The following PTBP3 variants were observed in gnomAD, a reference collection of about 807,000 sequenced individuals.
The protein encoded by PTBP3 is polypyrimidine tract binding protein 3.
A neutral mutation model predicts 58.7 loss-of-function variants in PTBP3; 20 were observed. The observed-to-expected ratio is 0.34, with a 90% CI of 0.24 to 0.50. The LOEUF (loss-of-function observed/expected upper bound fraction) is 0.50. PTBP3 is among the 20% of genes least tolerant of loss of function. PTBP3 has a pLI of 0.98. For synonymous variants in PTBP3, 185 were observed against 219.8 expected (o/e 0.84, Z 1.40); for missense variants, 509 against 637.2 (o/e 0.80, Z 2.17).
chr9:112,231,748 A>T (rs547299056), intron 9 of PTBP3, among the ~76,000 whole-genome samples: 54 of 39,612 alleles, frequency 1.4e-3, no homozygotes, highest in African/African-American at 7.7e-3. Context: ...CAAAAGAATT[A>T]AAAAAAAAAA....
In PTBP3 at chr9:112,227,612, C is replaced by T. The variant is rs139225824; in HGVS notation, c.1163G>A (p.Ser388Asn). 7 of 1,613,814 alleles carry T rather than the reference C, an allele frequency of 4.3e-6. No individual in the cohort carries two copies. Among genetic ancestry groups the T allele is most frequent in the Admixed American group, 1.7e-5 (1 of 60,004 alleles). ...NQAQLAMNHLSGQRLYGKVLR... is the reference protein window; with the variant it reads ...NQAQLAMNHLNGQRLYGKVLR... The stretch of plus-strand genomic sequence containing the variant: ...CACTTTCCCATAAAGTCTCTGACCA[C>T]TTAGATGGTTCATTGCTAGTGCATG... The change falls in exon 12 of 14, where the codon AGT (serine) becomes AAT (asparagine). Residue 388 changes from serine to asparagine, a missense_variant. Coordinates refer to ENST00000374257, the MANE Select transcript of PTBP3 (RefSeq NM_001163788.4).
At chr9:112,325,542 G>A (rs769169062) in intron 1 of PTBP3, among the ~76,000 whole-genome samples, 15 of 148,134 alleles carry the variant, frequency 1.0e-4, no homozygotes, top group Non-Finnish European at 2.1e-4. Flanking sequence ...GGATTTAGTT[G>A]AACTAAGAAG....
At chr9:112,303,489 C>A (rs1829038260) in intron 1 of PTBP3, among the ~76,000 whole-genome samples, 1 of 152,152 alleles carries the variant, frequency 6.6e-6, no homozygotes, top group Non-Finnish European at 1.5e-5. Context: ...TATATTCTTC[C>A]AGAGCCTATA....
At chr9:112,349,165 G>A in the PTBP3 span, among the ~76,000 whole-genome samples, 1 of 152,088 alleles carries the variant, frequency 6.6e-6, no homozygotes, top group African/African-American at 2.4e-5. Context: ...AGTAGGAAAG[G>A]AGGGGGCTGG....
Position 112,232,205 on chromosome 9 carries a change from C to G in PTBP3, c.914G>C (p.Gly305Ala). Reference protein sequence around the residue: ...LSVPAVPGALGPLTITSSAVT... With the variant: ...LSVPAVPGALAPLTITSSAVT... ...AGCAGAAGAGGTGATTGTGAGAGGA[C>G]CAAGAGCTCCAGGAACAGCTGGAAC... Residue 305 changes from glycine (G) to alanine (A), a missense_variant, in exon 9 of 14, where the codon GGT becomes GCT. By Grantham distance (60) the Gly-to-Ala change is moderately conservative (BLOSUM62 0). Transcript: ENST00000374257. The G allele has an allele frequency of 6.2e-7, 1 of 1,610,928 alleles. No homozygotes were observed. The highest frequency in any genetic ancestry group is 8.5e-7 in the Non-Finnish European group (1 of 1,177,470).
At chr9:112,267,995 G>A in intron 4 of PTBP3, 54 bp downstream of exon 4, 1 of 1,504,074 alleles carries the variant, frequency 6.6e-7, no homozygotes, top group Non-Finnish European at 9.0e-7. Flanking sequence ...AAGTATGTAA[G>A]TTATCATACC....
At chr9:112,258,350 T>C (rs1836458837) in intron 5 of PTBP3, among the ~76,000 whole-genome samples, 1 of 152,226 alleles carries the variant, frequency 6.6e-6, no homozygotes, top group African/African-American at 2.4e-5. Flanking sequence ...TACTCTGAGA[T>C]GATGTCATCC....
At chr9:112,258,956 T>C (rs1288147572) in intron 5 of PTBP3, among the ~76,000 whole-genome samples, 1 of 152,150 alleles carries the variant, frequency 6.6e-6, no homozygotes, top group Non-Finnish European at 1.5e-5. Context: ...CAGCTTATTT[T>C]TTTGGAGGAT....
chr9:112,302,373 T>C (rs888836388), intron 1 of PTBP3, among the ~76,000 whole-genome samples: 1 of 151,912 alleles, frequency 6.6e-6, no homozygotes. Context: ...GCAAACACCT[T>C]TCTACCATCC....
chr9:112,308,380 A>C (rs949595792), intron 1 of PTBP3, among the ~76,000 whole-genome samples: 1 of 128,272 alleles, frequency 7.8e-6, no homozygotes, highest in Non-Finnish European at 1.7e-5. Flanking sequence ...AAAAAAAAAA[A>C]ACTTTTCTTT....
In PTBP3 at chr9:112,234,721, T is replaced by C. The variant is rs147351176; in HGVS notation, c.880+99A>G. The C allele has an allele frequency of 6.0e-6, 7 of 1,159,690 alleles. No individual in the cohort carries two copies. The African/African-American group carries it at 6.1e-5, about 10-fold the overall frequency. 71.8% of individuals were successfully genotyped at this position (1,159,690 alleles called of 1,614,324 possible). A position where few individuals can be genotyped will look rare whatever the true frequency, so the allele number is the denominator to read the frequency against. ...AGCTGATATGCATAATGCTTTATGG[T>C]AAATTCTTCAAATATGATAACATTC... On this transcript the variant is annotated intron_variant, in intron 8 of 13. Coordinates refer to ENST00000374257, the MANE Select transcript of PTBP3 (RefSeq NM_001163788.4).
chr9:112,370,779 T>C, the PTBP3 span, among the ~76,000 whole-genome samples: 4 of 152,228 alleles, frequency 2.6e-5, no homozygotes, highest in Admixed American at 1.3e-4. Flanking sequence ...TGCCTTGCCA[T>C]TTATTTAGGT....
At chr9:112,243,562 G>C (rs2132037971) in intron 7 of PTBP3, among the ~76,000 whole-genome samples, 1 of 152,124 alleles carries the variant, frequency 6.6e-6, no homozygotes, top group Admixed American at 6.6e-5. Flanking sequence ...AAAAGCCCCA[G>C]GGATTAGAAG....
chr9:112,251,864 A>T (rs1474799777), intron 6 of PTBP3, among the ~76,000 whole-genome samples: 1 of 152,192 alleles, frequency 6.6e-6, no homozygotes, highest in Admixed American at 6.5e-5. Flanking sequence ...AAAGGTACAA[A>T]ATAATATATG....
intron 4 of PTBP3, among the ~76,000 whole-genome samples, chr9:112,264,095 A>C (rs1354781858): frequency 6.6e-6 from 1 of 152,190 alleles, no homozygotes; most frequent in Non-Finnish European, 1.5e-5. Flanking sequence ...TAAATTAATA[A>C]AGGAAATAAT....
At chr9:112,327,651 G>T (rs1830211841) in intron 1 of PTBP3, among the ~76,000 whole-genome samples, 1 of 152,128 alleles carries the variant, frequency 6.6e-6, no homozygotes, top group African/African-American at 2.4e-5. Context: ...TCAAAAAATT[G>T]TAACACCACA....
chr9:112,349,803 G>A, the PTBP3 span, among the ~76,000 whole-genome samples: 1 of 131,154 alleles, frequency 7.6e-6, no homozygotes, highest in Non-Finnish European at 1.5e-5. Context: ...GATGAAGGTT[G>A]CGGTGAACCG....
At chr9:112,310,475 G>A (rs1829428807) in intron 1 of PTBP3, among the ~76,000 whole-genome samples, 1 of 152,118 alleles carries the variant, frequency 6.6e-6, no homozygotes, top group Non-Finnish European at 1.5e-5. Flanking sequence ...ATTGAATTCA[G>A]TATGTATAAA....
chr9:112,251,074 T>C lies in PTBP3; in HGVS notation c.657A>G (p.Ala219=), dbSNP rs761111762. ...MALDGQNIYN[A]CCTLRIDFSK... is the part of the protein sequence containing the mutation. Reference sequence around the variant, plus strand: ...AGAAGTCAATGCGCAGAGTGCAGCATGCATTATAGATATTCTGGCCATCCA... The same window carrying C: ...AGAAGTCAATGCGCAGAGTGCAGCACGCATTATAGATATTCTGGCCATCCA... The change falls in exon 7 of 14, where the codon GCA becomes GCG. Residue 219 remains alanine, a synonymous_variant. Transcript: ENST00000374257. 5 of 1,605,164 alleles carry C rather than the reference T, an allele frequency of 3.1e-6. No homozygotes were observed. The highest frequency in any genetic ancestry group is 1.1e-5 in the South Asian group (1 of 89,494).
Sources: gnomAD v4.1 joint callset for allele counts (sites outside exome capture counted in the v4.1 genomes callset) on GRCh38, gnomAD v4.1.1 for gene constraint, MANE v1.5 for transcripts, NCBI Gene and HGNC (gene_info 2026-07-23, HGNC 2026-07-21) for gene names.